Variants in TNR observed in about 807,000 individuals in gnomAD.
The protein encoded by TNR is tenascin R, also known as tenascin-R.
Under a neutral mutation model 150.4 loss-of-function variants are expected in TNR, and 45 were observed. The observed-to-expected ratio is 0.30, with a 90% CI of 0.24 to 0.38. TNR has a LOEUF of 0.38. Among genes scored for constraint, TNR ranks in the 10% least tolerant of loss-of-function variants. TNR has a pLI of 1.00. For synonymous variants in TNR, 687 were observed against 678.4 expected (o/e 1.01, Z -0.20); for missense variants, 1,544 against 1,759.1 (o/e 0.88, Z 2.19).
intron 2 of TNR, among the ~76,000 whole-genome samples, chr1:175,409,765 T>C (rs1307382093): frequency 6.6e-6 from 1 of 151,930 alleles, no homozygotes; most frequent in South Asian, 2.1e-4. Context: ...GGTACATTTA[T>C]TCATTTATCA....
intron 22 of TNR, 133 bp from the exon 23 acceptor site, chr1:175,323,609 G>C: frequency 7.8e-7 from 1 of 1,287,896 alleles, no homozygotes. Flanking sequence ...GAAGCTTCAA[G>C]GCCGAGTTCC....
chr1:175,552,811 C>A (rs564488929), intron 1 of TNR, among the ~76,000 whole-genome samples: 3 of 152,278 alleles, frequency 2.0e-5, no homozygotes, highest in Admixed American at 2.0e-4. Flanking sequence ...GATCCTATTC[C>A]TGCTTCTTTT....
At position 175,403,186 on chromosome 1, in the gene TNR, C is replaced by A. The variant is rs1490057587; in HGVS notation, c.930G>T (p.Gly310=). 1.2e-6 allele frequency: 2 copies of A among 1,614,146 alleles called. No homozygotes were observed. Among genetic ancestry groups the A allele is most frequent in the South Asian group, 1.1e-5 (1 of 91,074 alleles). ...GGTAGCCCTCTTCACAGACGCAGAGCCCCTCCTCACATTGTCCTCGCCCAC... is the reference window on the plus strand; with the variant it reads ...GGTAGCCCTCTTCACAGACGCAGAGACCCTCCTCACATTGTCCTCGCCCAC... The part of the protein sequence containing the change: ...ACSGRGQCEE[G]LCVCEEGYQG... Residue 310 remains glycine (G), a synonymous_variant, in exon 4 of 23, where the codon GGG becomes GGT. Transcript: ENST00000367674.
In TNR at chr1:175,316,101, T is replaced by C. The variant is rs1433395835; in HGVS notation, c.*7256A>G. The C allele has an allele frequency of 1.3e-5, 2 of 152,218 alleles. No individual in the cohort carries two copies. Among genetic ancestry groups the C allele is most frequent in the African/African-American group, 4.8e-5 (2 of 41,448 alleles). 9.4% of individuals were successfully genotyped at this position (152,218 alleles called of 1,614,324 possible). On this transcript the variant is annotated 3_prime_UTR_variant, in exon 23 of 23. Transcript: ENST00000367674. ...TCTTGGGGAGATCTATTCCTTTATA[T>C]ATAAACATCATTCAATTAAAGGGAA...
intron 1 of TNR, among the ~76,000 whole-genome samples, chr1:175,593,861 G>T (rs1558027385): frequency 6.6e-6 from 1 of 152,130 alleles, no homozygotes; most frequent in African/African-American, 2.4e-5. Flanking sequence ...CAAACAGATG[G>T]GGCACAGGCA....
At chr1:175,607,839 G>A (rs1663462634) in intron 1 of TNR, among the ~76,000 whole-genome samples, 1 of 152,208 alleles carries the variant, frequency 6.6e-6, no homozygotes, top group Non-Finnish European at 1.5e-5. Context: ...GTAAAATGGA[G>A]ATGTACTAAC....
At chr1:175,531,629 G>A (rs1480018248) in intron 1 of TNR, among the ~76,000 whole-genome samples, 3 of 152,198 alleles carry the variant, frequency 2.0e-5, no homozygotes, top group African/African-American at 7.2e-5. Context: ...CTCTCCAGCA[G>A]CTTCAGTAAA....
At chr1:175,705,312 A>G (rs1419412229) in intron 1 of TNR, among the ~76,000 whole-genome samples, 2 of 152,204 alleles carry the variant, frequency 1.3e-5, no homozygotes, top group African/African-American at 2.4e-5. Flanking sequence ...TTTAAAATGT[A>G]TGCTGAATTG....
chr1:175,576,258 G>A (rs1662106566), intron 1 of TNR, among the ~76,000 whole-genome samples: 1 of 152,168 alleles, frequency 6.6e-6, no homozygotes, highest in South Asian at 2.1e-4. Flanking sequence ...GGGGCTCTCA[G>A]TCAGCTTGGC....
intron 1 of TNR, among the ~76,000 whole-genome samples, chr1:175,640,217 T>G (rs10913041): frequency 0.16 from 25,043 of 152,220 alleles, 2,841 homozygotes; most frequent in African/African-American, 0.32. Flanking sequence ...TCAGATAAAG[T>G]TCTGGGACCA....
At chr1:175,718,561 G>T (rs539640861) in intron 1 of TNR, among the ~76,000 whole-genome samples, 1 of 152,328 alleles carries the variant, frequency 6.6e-6, no homozygotes, top group Non-Finnish European at 1.5e-5. Flanking sequence ...GTTTAGTAGG[G>T]TGGGTCCACC....
chr1:175,697,083 T>G (rs971445032), intron 1 of TNR, among the ~76,000 whole-genome samples: 3 of 152,036 alleles, frequency 2.0e-5, no homozygotes, highest in Non-Finnish European at 4.4e-5. Flanking sequence ...CCAAGCCTCT[T>G]TATCTCAGGC....
At chr1:175,504,272 G>A (rs919731534) in intron 2 of TNR, among the ~76,000 whole-genome samples, 1 of 152,036 alleles carries the variant, frequency 6.6e-6, no homozygotes, top group Non-Finnish European at 1.5e-5. Flanking sequence ...AGTGCTAGGC[G>A]CTCTGCATGC....
chr1:175,430,801 G>A (rs923704059), intron 2 of TNR, among the ~76,000 whole-genome samples: 1 of 151,972 alleles, frequency 6.6e-6, no homozygotes, highest in Non-Finnish European at 1.5e-5. Context: ...AACTTGTTTT[G>A]ATCTACCATA....
intron 2 of TNR, among the ~76,000 whole-genome samples, chr1:175,408,578 T>C (rs1458949966): frequency 1.3e-5 from 2 of 152,210 alleles, no homozygotes; most frequent in African/African-American, 4.8e-5. Flanking sequence ...CTCTGGAGCC[T>C]ATAGAGTCTC....
intron 20 of TNR, among the ~76,000 whole-genome samples, chr1:175,333,668 G>T (rs1044065073): frequency 2.6e-5 from 4 of 152,182 alleles, no homozygotes; most frequent in Non-Finnish European, 5.9e-5. Context: ...GGGGTTAGAA[G>T]ATAAATATGA....
intron 1 of TNR, among the ~76,000 whole-genome samples, chr1:175,535,447 T>TTTG (rs138597544): frequency 2.0e-3 from 291 of 148,194 alleles, no homozygotes; most frequent in Middle Eastern, 6.8e-3. Flanking sequence ...TTATTTATTT[T>TTTG]TTGTTGTTGT....
intron 1 of TNR, among the ~76,000 whole-genome samples, chr1:175,682,823 A>G (rs1008651136): frequency 1.3e-5 from 2 of 152,014 alleles, no homozygotes; most frequent in African/African-American, 2.4e-5. Flanking sequence ...CACCCCTGGG[A>G]CCCCACACGC....
chr1:175,538,061 A>C (rs866444710), intron 1 of TNR, among the ~76,000 whole-genome samples: 3 of 152,310 alleles, frequency 2.0e-5, no homozygotes, highest in South Asian at 2.1e-4. Flanking sequence ...AAAATATGGG[A>C]GGTAAAGCTG....
Sources: gnomAD v4.1 joint callset for allele counts (sites outside exome capture counted in the v4.1 genomes callset) on GRCh38, gnomAD v4.1.1 for gene constraint, MANE v1.5 for transcripts, NCBI Gene and HGNC (gene_info 2026-07-23, HGNC 2026-07-21) for gene names.